Variants in IFIH1 observed in about 807,000 individuals in gnomAD.
IFIH1 encodes the protein interferon-induced helicase C domain-containing protein 1.
A neutral mutation model predicts 107.4 loss-of-function variants in IFIH1; 125 were observed. That is an observed-to-expected ratio of 1.16 (90% confidence interval 1.01 to 1.35). IFIH1 has a LOEUF of 1.35. IFIH1 is among the 40% of genes most tolerant of loss of function. The pLI is 0.00. For synonymous variants in IFIH1, 458 were observed against 413.2 expected (o/e 1.11, Z -1.31); for missense variants, 1,333 against 1,213.7 (o/e 1.10, Z -1.46).
chr2:162,316,681 A>G (rs957000219), intron 1 of IFIH1, among the ~76,000 whole-genome samples: 2 of 152,234 alleles, frequency 1.3e-5, no homozygotes, highest in African/African-American at 4.8e-5. Flanking sequence ...TGTGAAAATC[A>G]TAGAGTGGTG....
chr2:162,293,061 A>G (rs933586316), intron 4 of IFIH1, among the ~76,000 whole-genome samples: 8 of 151,938 alleles, frequency 5.3e-5, no homozygotes, highest in African/African-American at 1.9e-4. Flanking sequence ...ATTTTCATTT[A>G]GTGACCGAAA....
In IFIH1 at chr2:162,272,388, C is replaced by T. The variant is rs749183293; in HGVS notation, c.2455-1G>A. Reference sequence around the variant, plus strand: ...CATCAGCTCTGGCTCGACCACGGGCCTGAAAACACAAATAAATCAAGTAAA... The same window carrying T: ...CATCAGCTCTGGCTCGACCACGGGCTTGAAAACACAAATAAATCAAGTAAA... On this transcript the variant is annotated splice_acceptor_variant, in intron 12 of 15. Coordinates refer to ENST00000649979, the MANE Select transcript of IFIH1 (RefSeq NM_022168.4). LOFTEE classifies it high-confidence loss of function. 16 of 1,609,670 alleles carry T rather than the reference C, an allele frequency of 9.9e-6. No homozygotes were observed. The East Asian group carries it at 3.6e-4, about 36-fold the overall frequency.
At chr2:162,279,715 TAC>T in intron 8 of IFIH1, among the ~76,000 whole-genome samples, 1 of 152,142 alleles carries the variant, frequency 6.6e-6, no homozygotes, top group East Asian at 1.9e-4. Context: ...CCAGCTTAGT[TAC>T]ACATCCCTCT....
chr2:162,314,951 G>C (rs1683462002), intron 1 of IFIH1, among the ~76,000 whole-genome samples: 1 of 152,186 alleles, frequency 6.6e-6, no homozygotes, highest in African/African-American at 2.4e-5. Context: ...GTGAATGAAT[G>C]AATAAGTTTT....
chr2:162,282,362 T>G lies in IFIH1; in HGVS notation c.1306+4A>C, dbSNP rs781086915. 3 of 1,594,298 alleles carry G rather than the reference T, an allele frequency of 1.9e-6. No homozygotes were observed. Among genetic ancestry groups the G allele is most frequent in the Non-Finnish European group, 2.6e-6 (3 of 1,166,128 alleles). Reference sequence around the variant, plus strand: ...TTTTTAAAAAAATAAACACTTAAACTGACCTGACAATTGAACACCAGCATC... The same window carrying G: ...TTTTTAAAAAAATAAACACTTAAACGGACCTGACAATTGAACACCAGCATC... On this transcript the variant is annotated splice_donor_region_variant and intron_variant, in intron 6 of 15. Transcript: ENST00000649979.
rs1682931216 is a variant in IFIH1 at position 162,288,237 on chromosome 2, T to C, written c.993A>G (p.Thr331=). The C allele has an allele frequency of 6.2e-7, 1 of 1,612,774 alleles. No homozygotes were observed. The highest frequency in any genetic ancestry group is 8.5e-7 in the Non-Finnish European group (1 of 1,179,170). The change falls in exon 5 of 16, where the codon ACA becomes ACG. Residue 331 remains threonine, a synonymous_variant. Coordinates refer to ENST00000649979, the MANE Select transcript of IFIH1 (RefSeq NM_022168.4). ...EGKNIIICLP[T]GSGKTRVAVY... is the part of the protein sequence containing the mutation. ...CAGCCACTCTGGTTTTTCCACTCCC[T>C]GTAGGGAGGCAGATGATGATATTCT... is the stretch of plus-strand genomic sequence containing the variant.
chr2:162,310,797 A>T lies in IFIH1; in HGVS notation c.590T>A (p.Leu197Ter), dbSNP rs1683373251. The change falls in exon 2 of 16, where the codon TTA (leucine) becomes TAA (stop). Residue 197 changes from leucine (L) to a stop codon, truncating the protein, a stop_gained. Coordinates refer to ENST00000649979, the MANE Select transcript of IFIH1 (RefSeq NM_022168.4). LOFTEE classifies it high-confidence loss of function. ...GCTTTCTGAGCAATCAGAGCCTGTT[A>T]ACTCTTGGACAAGTTCATTGTTTCC... ...QTGNNELVQELTGSDCSESNA... is the reference protein window; with the variant it reads ...QTGNNELVQE The T allele has an allele frequency of 6.2e-7, 1 of 1,613,738 alleles. No homozygotes were observed.
chr2:162,278,281 A>G lies in IFIH1; in HGVS notation c.1689T>C (p.Thr563=), dbSNP rs1184383774. Residue 563 remains threonine, a synonymous_variant, in exon 9 of 16, where the codon ACT becomes ACC. Coordinates refer to ENST00000649979, the MANE Select transcript of IFIH1 (RefSeq NM_022168.4). ...KLLEIMTRIQ[T]YCQMSPMSDF... ...CTGACATTGGACTCATTTGACAATAAGTTTGAATCCTTGTCATTATTTCTA... is the reference window on the plus strand; with the variant it reads ...CTGACATTGGACTCATTTGACAATAGGTTTGAATCCTTGTCATTATTTCTA... 6.5e-7 allele frequency: 1 copy of G among 1,528,468 alleles called. No individual in the cohort carries two copies. The highest frequency in any genetic ancestry group is 1.1e-5 in the South Asian group (1 of 87,652). The allele number at this position is 1,528,468 out of a possible 1,614,324, so 94.7% of individuals were successfully genotyped here.
chr2:162,290,083 AC>A (rs1682970216), intron 4 of IFIH1, among the ~76,000 whole-genome samples: 1 of 151,912 alleles, frequency 6.6e-6, no homozygotes, highest in Non-Finnish European at 1.5e-5. Context: ...AAGTGTCTAA[AC>A]AAAGACCCAG....
intron 3 of IFIH1, among the ~76,000 whole-genome samples, chr2:162,300,119 G>A (rs572085378): frequency 6.6e-6 from 1 of 152,262 alleles, no homozygotes; most frequent in East Asian, 1.9e-4. Flanking sequence ...GTGGAGGCAT[G>A]TCACTTGTTT....
chr2:162,313,452 GAAAT>G (rs1683417995), intron 1 of IFIH1, among the ~76,000 whole-genome samples: 1 of 152,120 alleles, frequency 6.6e-6, no homozygotes, highest in African/African-American at 2.4e-5. Context: ...TATGAAATAC[GAAAT>G]AAAATTAATT....
chr2:162,272,390 G>T lies in IFIH1; in HGVS notation c.2455-3C>A. 1 of 1,609,690 alleles carries T rather than the reference G, an allele frequency of 6.2e-7. No homozygotes were observed. The highest frequency in any genetic ancestry group is 8.5e-7 in the Non-Finnish European group (1 of 1,178,266). Reference sequence around the variant, plus strand: ...TCAGCTCTGGCTCGACCACGGGCCTGAAAACACAAATAAATCAAGTAAATG... The same window carrying T: ...TCAGCTCTGGCTCGACCACGGGCCTTAAAACACAAATAAATCAAGTAAATG... On this transcript the variant is annotated splice_polypyrimidine_tract_variant and splice_region_variant and intron_variant, in intron 12 of 15. Transcript: ENST00000649979.
chr2:162,270,288 G>C (rs12993854), intron 13 of IFIH1, among the ~76,000 whole-genome samples: 6,807 of 152,258 alleles, frequency 0.045, 205 homozygotes, highest in Admixed American at 0.065. Context: ...GCTCCTAGAA[G>C]TCTGATTTAA....
At chr2:162,299,005 C>G (rs1420919296) in intron 3 of IFIH1, among the ~76,000 whole-genome samples, 1 of 152,154 alleles carries the variant, frequency 6.6e-6, no homozygotes, top group Non-Finnish European at 1.5e-5. Flanking sequence ...CTCCTCTGCT[C>G]CTGTTTATAG....
chr2:162,312,121 G>A (rs1683394027), intron 1 of IFIH1, among the ~76,000 whole-genome samples: 1 of 152,080 alleles, frequency 6.6e-6, no homozygotes, highest in Non-Finnish European at 1.5e-5. Context: ...ACAAATTTAT[G>A]TATTTTCTAG....
chr2:162,308,289 A>G (rs560606566), intron 2 of IFIH1, among the ~76,000 whole-genome samples: 93 of 152,304 alleles, frequency 6.1e-4, no homozygotes, highest in African/African-American at 2.2e-3. Context: ...AGAGAGAGAA[A>G]GAGACAGATG....
intron 5 of IFIH1, among the ~76,000 whole-genome samples, chr2:162,287,345 G>A (rs1682912734): frequency 6.6e-6 from 1 of 151,748 alleles, no homozygotes; most frequent in African/African-American, 2.4e-5. Flanking sequence ...GGAAAAGTAT[G>A]CTCATTTTTA....
Position 162,267,521 on chromosome 2 carries a change from G to A in IFIH1, c.2856C>T (p.Ala952=), listed in dbSNP as rs754952870. 1.9e-5 allele frequency: 31 copies of A among 1,613,686 alleles called. No individual in the cohort carries two copies. Among genetic ancestry groups the A allele is most frequent in the South Asian group, 1.2e-4 (11 of 91,072 alleles). ...RENKALQKKC[A]DYQINGEIIC... ...TGATTTCACCATTTATTTGATAGTC[G>A]GCACACTTCTTTTGCAGTGCTTTGT... is the stretch of plus-strand genomic sequence containing the variant. Residue 952 remains alanine (A), a synonymous_variant, in exon 15 of 16, where the codon GCC becomes GCT. Coordinates refer to ENST00000649979, the MANE Select transcript of IFIH1 (RefSeq NM_022168.4).
At chr2:162,278,132 T>C (rs1682737333) in intron 9 of IFIH1, 73 bp downstream of exon 9, 6 of 1,306,962 alleles carry the variant, frequency 4.6e-6, no homozygotes, top group Non-Finnish European at 6.4e-6. Context: ...TTTTGGGGAA[T>C]CTGTGATATA....
Sources: allele counts gnomAD v4.1 joint callset (sites outside exome capture counted in the v4.1 genomes callset), GRCh38; gene constraint gnomAD v4.1.1; transcripts MANE v1.5; gene names NCBI Gene and HGNC (gene_info 2026-07-23, HGNC 2026-07-21).